Variants in PRELID2 observed in about 807,000 individuals in gnomAD.
PRELID2 encodes the protein PRELI domain containing 2.
Under a neutral mutation model 28.4 loss-of-function variants are expected in PRELID2, and 25 were observed. The ratio of observed to expected loss-of-function variants is 0.88; its 90% CI spans 0.64 to 1.23. The LOEUF (loss-of-function observed/expected upper bound fraction) is 1.23. Ranked by LOEUF, PRELID2 falls within the 50% of genes most tolerant of loss-of-function variation. PRELID2 has a pLI of 0.00. For missense variants in PRELID2, 201 were observed against 214.4 expected, an observed-to-expected ratio of 0.94 and a Z score of 0.39; for synonymous variants, 76 against 71.6, an observed-to-expected ratio of 1.06 and a Z score of -0.31.
chr5:145,517,819 G>T (rs908736520), intron 1 of PRELID2, among the ~76,000 whole-genome samples: 1 of 152,188 alleles, frequency 6.6e-6, no homozygotes, highest in Admixed American at 6.5e-5. Context: ...CCATAAAAAA[G>T]GATGAATTCA....
chr5:145,819,230 C>G (rs897008124), intron 3 of PRELID2: 2 of 649,078 alleles, frequency 3.1e-6, no homozygotes, highest in African/African-American at 3.8e-5. Context: ...ACATCACACA[C>G]AGAATCTCTC....
At chr5:145,396,351 T>C in the PRELID2 span, among the ~76,000 whole-genome samples, 1 of 152,118 alleles carries the variant, frequency 6.6e-6, no homozygotes. Flanking sequence ...TGATGTTTTA[T>C]TATCTACAGT....
rs1482098883 is a variant in PRELID2, at chr5:145,796,423, A to C, written c.474+19T>G. The C allele has an allele frequency of 5.8e-6, 9 of 1,546,442 alleles. No homozygotes were observed. Among genetic ancestry groups the C allele is most frequent in the Non-Finnish European group, 8.0e-6 (9 of 1,122,578 alleles). On this transcript the variant is annotated intron_variant, in intron 5 of 6. Coordinates refer to ENST00000683046, the MANE Select transcript of PRELID2 (RefSeq NM_205846.3). ...TGTTTTTTAAAATTAATGTTGGTTC[A>C]AAGCAGAAATATGGTTACCTTCTGG...
At chr5:145,467,483 T>C (rs897073236), downstream of PRELID2, among the ~76,000 whole-genome samples, 4 of 152,190 alleles carry the variant, frequency 2.6e-5, no homozygotes, top group Admixed American at 6.6e-5. Flanking sequence ...TAAAGTATAT[T>C]TCATATTTTT....
intron 1 of PRELID2, among the ~76,000 whole-genome samples, chr5:145,535,391 C>T (rs1317451863): frequency 1.3e-5 from 2 of 151,876 alleles, no homozygotes; most frequent in African/African-American, 2.4e-5. Flanking sequence ...GAGCCCACTT[C>T]TTCCTGGCCT....
chr5:145,444,004 T>G, the PRELID2 span, among the ~76,000 whole-genome samples: 2 of 152,086 alleles, frequency 1.3e-5, no homozygotes, highest in African/African-American at 4.8e-5. Context: ...AAATAATCCA[T>G]GTCATTAATT....
chr5:145,742,015 T>C (rs1320303906), intron 1 of PRELID2, among the ~76,000 whole-genome samples: 1 of 121,028 alleles, frequency 8.3e-6, no homozygotes, highest in East Asian at 2.4e-4. Context: ...AAATTTATTA[T>C]AAGTAAATAA....
chr5:145,510,103 A>G (rs1752447960), intron 1 of PRELID2, among the ~76,000 whole-genome samples: 1 of 152,148 alleles, frequency 6.6e-6, no homozygotes, highest in Non-Finnish European at 1.5e-5. Context: ...TATTTTGAGG[A>G]CTGAATGAAA....
At chr5:145,418,313 A>T in the PRELID2 span, among the ~76,000 whole-genome samples, 1 of 152,254 alleles carries the variant, frequency 6.6e-6, no homozygotes, top group South Asian at 2.1e-4. Flanking sequence ...GCCATCCAGT[A>T]CAAAGTAATT....
chr5:145,237,678 C>A, the PRELID2 span, among the ~76,000 whole-genome samples: 4 of 152,078 alleles, frequency 2.6e-5, no homozygotes, highest in African/African-American at 9.7e-5. Flanking sequence ...TCTAAAGATT[C>A]ATTCCCTCTC....
intron 1 of PRELID2, among the ~76,000 whole-genome samples, chr5:145,651,327 G>A (rs1055522240): frequency 6.6e-6 from 1 of 152,034 alleles, no homozygotes; most frequent in African/African-American, 2.4e-5. Context: ...CTCCACCTCT[G>A]GAGGCAGGGC....
chr5:145,483,061 A>G (rs1752177518), intron 1 of PRELID2, among the ~76,000 whole-genome samples: 1 of 152,118 alleles, frequency 6.6e-6, no homozygotes, highest in South Asian at 2.1e-4. Flanking sequence ...ATTCACCTAT[A>G]AAATGGGGAC....
intron 1 of PRELID2, among the ~76,000 whole-genome samples, chr5:145,558,774 G>C (rs1752901836): frequency 6.6e-6 from 1 of 152,112 alleles, no homozygotes; most frequent in Admixed American, 6.5e-5. Flanking sequence ...TTTGAAGATG[G>C]AGCTAATGAA....
At chr5:145,697,080 TACACACACACAC>T (rs1491186707) in intron 1 of PRELID2, among the ~76,000 whole-genome samples, 3 of 85,946 alleles carry the variant, frequency 3.5e-5, no homozygotes, top group Non-Finnish European at 6.7e-5. Context: ...TATATATATA[TACACACACACAC>T]ATATATATAT....
the PRELID2 span, among the ~76,000 whole-genome samples, chr5:145,427,325 AC>A: frequency 6.6e-6 from 1 of 152,226 alleles, no homozygotes; most frequent in African/African-American, 2.4e-5. Context: ...GTAGTGTGTT[AC>A]CAAAAGAGCC....
rs140600046 is a variant in PRELID2, at chr5:145,552,575, G to A, written n.71-79260C>T. 3.5e-4 allele frequency among the ~76,000 whole-genome samples: 53 copies of A among 152,138 alleles called. No homozygotes were observed. The East Asian group carries it at 0.01, about 29-fold the overall frequency. On this transcript the variant is annotated intron_variant and non_coding_transcript_variant, in intron 1 of 2. Coordinates refer to the PRELID2 transcript ENST00000510259. ...AGCAAGCCTCGGGGATACAAGAGGA[G>A]ATGCTTGCTGAAAATAGAAGCAACA...
At chr5:145,665,834 A>C (rs1297661808) in intron 1 of PRELID2, among the ~76,000 whole-genome samples, 1 of 152,066 alleles carries the variant, frequency 6.6e-6, no homozygotes, top group East Asian at 1.9e-4. Flanking sequence ...GGCACTCCTT[A>C]GTCTCTCCAT....
the PRELID2 span, among the ~76,000 whole-genome samples, chr5:145,394,586 A>C: frequency 6.6e-6 from 1 of 152,192 alleles, no homozygotes; most frequent in Non-Finnish European, 1.5e-5. Flanking sequence ...GTATAACAAT[A>C]ATAAAATAAA....
At position 145,797,071 on chromosome 5, in the gene PRELID2, G is replaced by A. The variant is rs181039399; in HGVS notation, c.369-524C>T. On this transcript the variant is annotated intron_variant, in intron 4 of 6. Coordinates refer to ENST00000683046, the MANE Select transcript of PRELID2 (RefSeq NM_205846.3). ...CAATCCTCGATTGGAGAAGGGGTGA[G>A]ACAGAAGAGATATGTCACCATCTCT... Among the ~76,000 whole-genome samples, 40 of 152,204 alleles carry A rather than the reference G, an allele frequency of 2.6e-4. No homozygotes were observed. The East Asian group carries it at 7.3e-3, about 28-fold the overall frequency.
Sources: allele counts gnomAD v4.1 joint callset (sites outside exome capture counted in the v4.1 genomes callset), GRCh38; gene constraint gnomAD v4.1.1; transcripts MANE v1.5; gene names NCBI Gene and HGNC (gene_info 2026-07-23, HGNC 2026-07-21).